Variants in TMEM117 observed in about 807,000 individuals in gnomAD.
The protein encoded by TMEM117 is transmembrane protein 117.
TMEM117 carries 27 observed loss-of-function variants against 52.4 expected under a neutral mutation model. That is an observed-to-expected ratio of 0.51 (90% CI 0.38 to 0.71). TMEM117 has a LOEUF of 0.71. TMEM117 is among the 30% of genes least tolerant of loss of function. TMEM117 has a pLI of 0.00. For missense variants in TMEM117, 556 were observed against 630.5 expected (o/e 0.88, Z 1.26); for synonymous variants, 215 against 206.3 (o/e 1.04, Z -0.36).
chr12:44,336,091 A>G (rs540764424), intron 6 of TMEM117, among the ~76,000 whole-genome samples: 1 of 152,176 alleles, frequency 6.6e-6, no homozygotes, highest in East Asian at 1.9e-4. Context: ...GCGCCACATA[A>G]AAATACATTT....
At chr12:43,961,085 G>T (rs1174790135) in intron 3 of TMEM117, among the ~76,000 whole-genome samples, 1 of 152,174 alleles carries the variant, frequency 6.6e-6, no homozygotes, top group Non-Finnish European at 1.5e-5. Flanking sequence ...TTCCTCAAGT[G>T]TAAAATGAGG....
chr12:43,810,974 C>T, the TMEM117 span, among the ~76,000 whole-genome samples: 1 of 152,138 alleles, frequency 6.6e-6, no homozygotes, highest in East Asian at 1.9e-4. Flanking sequence ...AGAAAAAGAA[C>T]TGTTCAAAAG....
chr12:43,855,774 C>T (rs1943389846), intron 2 of TMEM117, among the ~76,000 whole-genome samples: 1 of 152,020 alleles, frequency 6.6e-6, no homozygotes, highest in South Asian at 2.1e-4. Context: ...AAGTGAAATG[C>T]CTGTTTGTCT....
intron 3 of TMEM117, among the ~76,000 whole-genome samples, chr12:44,129,272 G>T (rs1363551079): frequency 1.3e-5 from 2 of 152,186 alleles, no homozygotes; most frequent in Non-Finnish European, 2.9e-5. Context: ...AGTCAGCAGT[G>T]TGGCCATCCA....
At chr12:43,966,294 T>A (rs1945484414) in intron 3 of TMEM117, among the ~76,000 whole-genome samples, 1 of 152,174 alleles carries the variant, frequency 6.6e-6, no homozygotes, top group Non-Finnish European at 1.5e-5. Flanking sequence ...TTCCACTCTT[T>A]AAAATTCCTG....
the TMEM117 span, among the ~76,000 whole-genome samples, chr12:43,807,295 A>C: frequency 1.6e-4 from 24 of 152,332 alleles, no homozygotes; most frequent in African/African-American, 5.5e-4. Context: ...GTACTATACG[A>C]TGTATTTTTC....
At chr12:44,054,737 A>G (rs1184380352) in intron 3 of TMEM117, among the ~76,000 whole-genome samples, 2 of 133,124 alleles carry the variant, frequency 1.5e-5, no homozygotes, top group Admixed American at 7.6e-5. Context: ...CCTCATCTTC[A>G]TTTTCTTTTT....
At chr12:44,363,654 A>G (rs1256028156) in intron 6 of TMEM117, among the ~76,000 whole-genome samples, 1 of 152,178 alleles carries the variant, frequency 6.6e-6, no homozygotes, top group Non-Finnish European at 1.5e-5. Flanking sequence ...TTCTGAGTTA[A>G]TTAGCATACC....
intron 4 of TMEM117, among the ~76,000 whole-genome samples, chr12:44,176,925 A>G (rs948486535): frequency 6.6e-6 from 1 of 152,156 alleles, no homozygotes; most frequent in Non-Finnish European, 1.5e-5. Context: ...AATATAAAAA[A>G]TGAAGTTTGG....
chr12:44,320,135 C>A (rs905215859), intron 6 of TMEM117, among the ~76,000 whole-genome samples: 2 of 152,200 alleles, frequency 1.3e-5, no homozygotes. Flanking sequence ...ACCAAGCTAT[C>A]ATCAACCCTT....
chr12:43,819,289 C>A, the TMEM117 span, among the ~76,000 whole-genome samples: 1 of 152,182 alleles, frequency 6.6e-6, no homozygotes, highest in Non-Finnish European at 1.5e-5. Context: ...GTCTTCAAGT[C>A]TTTCTATTTA....
chr12:44,321,018 T>C (rs931128043), intron 6 of TMEM117, among the ~76,000 whole-genome samples: 4 of 152,232 alleles, frequency 2.6e-5, no homozygotes, highest in African/African-American at 4.8e-5. Context: ...AGCAATTTTA[T>C]TTTTTCATTT....
At chr12:44,300,682 T>A (rs554099161) in intron 6 of TMEM117, among the ~76,000 whole-genome samples, 1 of 152,254 alleles carries the variant, frequency 6.6e-6, no homozygotes, top group South Asian at 2.1e-4. Flanking sequence ...GGGCATTAGG[T>A]TCAAGATGGT....
chr12:43,806,090 C>T, the TMEM117 span: 1 of 1,519,290 alleles, frequency 6.6e-7, no homozygotes, highest in Non-Finnish European at 8.8e-7. Context: ...GGCGCCGAGG[C>T]CCGGCTCGCC....
At position 44,211,201 on chromosome 12, in the gene TMEM117, T is replaced by C. The variant is rs1949641034; in HGVS notation, c.511-89T>C. On this transcript the variant is annotated intron_variant, in intron 4 of 7. Transcript: ENST00000266534. ...AATGTTAAAACGTATACTTATTCTG[T>C]TCTCAATAGAATGTAAATTATAGGC... The C allele has an allele frequency of 8.0e-6, 7 of 871,150 alleles. No homozygotes were observed. The Admixed American group carries it at 1.5e-4, about 19-fold the overall frequency. 54.0% of individuals were successfully genotyped at this position (871,150 alleles called of 1,614,324 possible). A position where few individuals can be genotyped will look rare whatever the true frequency, so the allele number is the denominator to read the frequency against.
At chr12:44,273,820 C>A (rs1950479061) in intron 5 of TMEM117, among the ~76,000 whole-genome samples, 1 of 151,830 alleles carries the variant, frequency 6.6e-6, no homozygotes, top group Admixed American at 6.6e-5. Flanking sequence ...AGGAACACAC[C>A]TCAGCATAAT....
chr12:43,895,177 T>C (rs1944177511), intron 2 of TMEM117, among the ~76,000 whole-genome samples: 1 of 152,172 alleles, frequency 6.6e-6, no homozygotes. Context: ...CTTAGTGTGG[T>C]GGGCTGTTCC....
intron 6 of TMEM117, among the ~76,000 whole-genome samples, chr12:44,360,557 A>G (rs937538036): frequency 6.7e-6 from 1 of 150,034 alleles, no homozygotes; most frequent in African/African-American, 2.5e-5. Context: ...ACAAAGTGAG[A>G]CTCTGTCTCA....
chr12:43,946,108 C>T (rs964484888), intron 3 of TMEM117, among the ~76,000 whole-genome samples: 2 of 151,976 alleles, frequency 1.3e-5, no homozygotes, highest in Non-Finnish European at 2.9e-5. Context: ...GTTTTAATAC[C>T]AGGTCTGTTT....
Sources: allele counts gnomAD v4.1 joint callset (sites outside exome capture counted in the v4.1 genomes callset), GRCh38; gene constraint gnomAD v4.1.1; transcripts MANE v1.5; gene names NCBI Gene and HGNC (gene_info 2026-07-23, HGNC 2026-07-21).